Variants in OR5A1 observed in about 807,000 individuals in gnomAD.
OR5A1 encodes olfactory receptor 5A1.
In OR5A1, 6 loss-of-function variants were observed where a neutral mutation model predicts 6.7. That is an observed-to-expected ratio of 0.89 (90% confidence interval 0.49 to 1.76). OR5A1 has a LOEUF of 1.76. Among genes scored for constraint, OR5A1 ranks in the 40% most tolerant of loss-of-function variants. OR5A1 has a pLI of 0.01. For missense variants in OR5A1, 378 were observed against 381.7 expected (o/e 0.99, Z 0.08); for synonymous variants, 170 against 155.0 (o/e 1.10, Z -0.72).
rs547933077 is a variant in OR5A1, at chr11:59,447,657, A to G, written c.*3541A>G. ...CTTCAGGCATTATTGGGTAGTAGAGAACAGCAGGAAGCAGGGAGACAAAAA... is the reference window on the plus strand; with the variant it reads ...CTTCAGGCATTATTGGGTAGTAGAGGACAGCAGGAAGCAGGGAGACAAAAA... On this transcript the variant is annotated 3_prime_UTR_variant, in exon 2 of 2. Coordinates refer to ENST00000641045, the MANE Select transcript of OR5A1 (RefSeq NM_001004728.2). 1 of 152,342 alleles carries G rather than the reference A, an allele frequency of 6.6e-6. No homozygotes were observed. The highest frequency in any genetic ancestry group is 1.5e-5 in the Non-Finnish European group (1 of 68,042). 9.4% of individuals were successfully genotyped at this position (152,342 alleles called of 1,614,324 possible).
In OR5A1 at chr11:59,449,865, A is replaced by G. The variant is rs1047009906; in HGVS notation, c.*5749A>G. On this transcript the variant is annotated 3_prime_UTR_variant, in exon 2 of 2. Transcript: ENST00000641045. ...TGTTCATTCATCTTCAAAAAGAATT[A>G]TTGAATAACTGCTATGTTCCAGGTA... 6.6e-6 allele frequency: 1 copy of G among 152,194 alleles called. No individual in the cohort carries two copies. The highest frequency in any genetic ancestry group is 1.5e-5 in the Non-Finnish European group (1 of 68,020). The allele number at this position is 152,194 out of a possible 1,614,324, so 9.4% of individuals were successfully genotyped here.
rs534057064 is a variant in OR5A1, at chr11:59,445,011, T to A, written c.*895T>A. The A allele has an allele frequency of 1.1e-4, 17 of 152,252 alleles. No homozygotes were observed. The highest frequency in any genetic ancestry group is 2.1e-4 in the South Asian group (1 of 4,818). The allele number at this position is 152,252 out of a possible 1,614,324, so 9.4% of individuals were successfully genotyped here. Reference sequence around the variant, plus strand: ...TTTTTCTTTTAATTTAATTTAATTTTATTTTATTTTAAGTTCCGGGATACA... The same window carrying A: ...TTTTTCTTTTAATTTAATTTAATTTAATTTTATTTTAAGTTCCGGGATACA... On this transcript the variant is annotated 3_prime_UTR_variant, in exon 2 of 2. Transcript: ENST00000641045.
chr11:59,443,639 G>A lies in OR5A1; in HGVS notation c.471G>A (p.Leu157=), dbSNP rs780021579. 5 of 1,614,038 alleles carry A rather than the reference G, an allele frequency of 3.1e-6. No homozygotes were observed. Among genetic ancestry groups the A allele is most frequent in the Non-Finnish European group, 4.2e-6 (5 of 1,180,024 alleles). The change falls in exon 2 of 2, where the codon CTG becomes CTA. Residue 157 remains leucine, a synonymous_variant. Coordinates refer to ENST00000641045, the MANE Select transcript of OR5A1 (RefSeq NM_001004728.2). Reference sequence around the variant, plus strand: ...TTGGGGCATATGTTGGTGGCTTCCTGAGCTCCCTGATCCAGGCCAGCTCCA... The same window carrying A: ...TTGGGGCATATGTTGGTGGCTTCCTAAGCTCCCTGATCCAGGCCAGCTCCA... The part of the protein sequence containing the change: ...MVVGAYVGGF[L]SSLIQASSIF...
Position 59,445,282 on chromosome 11 carries a change from T to G in OR5A1, c.*1166T>G, listed in dbSNP as rs185032188. 1 of 152,160 alleles carries G rather than the reference T, an allele frequency of 6.6e-6. No individual in the cohort carries two copies. Among genetic ancestry groups the G allele is most frequent in the Non-Finnish European group, 1.5e-5 (1 of 68,028 alleles). 9.4% of individuals were successfully genotyped at this position (152,160 alleles called of 1,614,324 possible). On this transcript the variant is annotated 3_prime_UTR_variant, in exon 2 of 2. Transcript: ENST00000641045. ...GATATTTGGTTATCTGTTCTTGGGT[T>G]AGTTTGCTGAGGATAATGGCTTCCA...
intron 1 of OR5A1, among the ~76,000 whole-genome samples, chr11:59,438,247 A>G (rs1345009863): frequency 1.3e-5 from 2 of 152,208 alleles, no homozygotes; most frequent in African/African-American, 4.8e-5. Flanking sequence ...ACACTATTCT[A>G]TATTGTCTTA....
Position 59,441,977 on chromosome 11 carries a change from TAGATA to T in OR5A1, c.-33-1158_-33-1154del, listed in dbSNP as rs1445789991. 2.7e-5 allele frequency among the ~76,000 whole-genome samples: 4 copies of T among 149,646 alleles called. 1 individual carries two copies. The highest frequency in any genetic ancestry group is 5.9e-5 in the Non-Finnish European group (4 of 67,352). On this transcript the variant is annotated intron_variant, in intron 1 of 1. Transcript: ENST00000641045. ...ATAGATAGATAGATAGATAGATAGA[TAGATA>T]GATAGATGATAGATGATAATTAGAC... is the stretch of plus-strand genomic sequence containing the variant.
rs533448094 is a variant in OR5A1 at position 59,445,295 on chromosome 11, A to G, written c.*1179A>G. On this transcript the variant is annotated 3_prime_UTR_variant, in exon 2 of 2. Transcript: ENST00000641045. The stretch of plus-strand genomic sequence containing the variant: ...CTGTTCTTGGGTTAGTTTGCTGAGG[A>G]TAATGGCTTCCAGCTCTATCCATGT... 6.6e-6 allele frequency: 1 copy of G among 152,312 alleles called. No homozygotes were observed. Among genetic ancestry groups the G allele is most frequent in the African/African-American group, 2.4e-5 (1 of 41,564 alleles). 9.4% of individuals were successfully genotyped at this position (152,312 alleles called of 1,614,324 possible).
At chr11:59,443,059 C>T in intron 1 of OR5A1, 77 bp from the exon 2 acceptor site, 1 of 730,412 alleles carries the variant, frequency 1.4e-6, no homozygotes, top group Non-Finnish European at 2.3e-6. Context: ...AACCTGTAAT[C>T]CTCTGCCCTC....
At chr11:59,440,911 G>A (rs1246112527) in intron 1 of OR5A1, among the ~76,000 whole-genome samples, 1 of 152,080 alleles carries the variant, frequency 6.6e-6, no homozygotes, top group African/African-American at 2.4e-5. Flanking sequence ...TAGCTAAAAG[G>A]AGCTTCACAT....
chr11:59,443,518 T>A lies in OR5A1; in HGVS notation c.350T>A (p.Leu117His). ...FVGMGLSECL[L>H]LTAMAYDRYA... Reference sequence around the variant, plus strand: ...GGCATGGGTCTGTCTGAGTGCCTCCTCCTGACTGCTATGGCATACGACCGA... The same window carrying A: ...GGCATGGGTCTGTCTGAGTGCCTCCACCTGACTGCTATGGCATACGACCGA... The change falls in exon 2 of 2, where the codon CTC becomes CAC. Residue 117 changes from leucine (L) to histidine (H), a missense_variant. By Grantham distance (99) the Leu-to-His change is moderately conservative. Transcript: ENST00000641045. The A allele has an allele frequency of 6.2e-7, 1 of 1,614,018 alleles. No homozygotes were observed. The highest frequency in any genetic ancestry group is 8.5e-7 in the Non-Finnish European group (1 of 1,179,984).
At chr11:59,439,056 A>G (rs1472686104) in intron 1 of OR5A1, among the ~76,000 whole-genome samples, 1 of 152,228 alleles carries the variant, frequency 6.6e-6, no homozygotes, top group African/African-American at 2.4e-5. Context: ...GGGAAATCAC[A>G]GAACACCTCC....
chr11:59,443,490 G>T lies in OR5A1; in HGVS notation c.322G>T (p.Val108Phe). Residue 108 changes from valine (V) to phenylalanine (F), a missense_variant, in exon 2 of 2, where the codon GTC (valine) becomes TTC (phenylalanine). Coordinates refer to ENST00000641045, the MANE Select transcript of OR5A1 (RefSeq NM_001004728.2). ...CTGTGCTGCTCAGTTTTTTTTCTTT[G>T]TCGGCATGGGTCTGTCTGAGTGCCT... ...VGCAAQFFFFVGMGLSECLLL... is the reference protein window; with the variant it reads ...VGCAAQFFFFFGMGLSECLLL... 1.9e-6 allele frequency: 3 copies of T among 1,613,458 alleles called. No individual in the cohort carries two copies. The highest frequency in any genetic ancestry group is 2.5e-6 in the Non-Finnish European group (3 of 1,179,834).
rs1384131912 is a variant in OR5A1 at position 59,443,953 on chromosome 11, A to C, written c.785A>C (p.Tyr262Ser). 1.2e-6 allele frequency: 2 copies of C among 1,613,852 alleles called. No individual in the cohort carries two copies. Among genetic ancestry groups the C allele is most frequent in the Non-Finnish European group, 8.5e-7 (1 of 1,179,986 alleles). Residue 262 changes from tyrosine (Y) to serine (S), a missense_variant, in exon 2 of 2, where the codon TAC becomes TCC. Tyr to Ser is a moderately radical substitution (Grantham distance 144). Coordinates refer to ENST00000641045, the MANE Select transcript of OR5A1 (RefSeq NM_001004728.2). ...TLLFGTALFV[Y>S]LRPSSSYLLG... ...CTGTTTGGGACAGCCCTTTTCGTGTACTTGCGACCCAGCTCCAGCTACTTG... is the reference window on the plus strand; with the variant it reads ...CTGTTTGGGACAGCCCTTTTCGTGTCCTTGCGACCCAGCTCCAGCTACTTG...
At chr11:59,438,901 G>A (rs1309097159) in intron 1 of OR5A1, among the ~76,000 whole-genome samples, 1 of 152,132 alleles carries the variant, frequency 6.6e-6, no homozygotes, top group African/African-American at 2.4e-5. Flanking sequence ...ACCTTACATT[G>A]AGAGGAACTC....
At chr11:59,439,999 G>A (rs1323370259) in intron 1 of OR5A1, among the ~76,000 whole-genome samples, 4 of 152,056 alleles carry the variant, frequency 2.6e-5, no homozygotes, top group African/African-American at 7.2e-5. Context: ...TCTATCTCAA[G>A]ACCCACCATG....
chr11:59,439,828 C>T (rs1291594004), intron 1 of OR5A1, among the ~76,000 whole-genome samples: 2 of 152,186 alleles, frequency 1.3e-5, no homozygotes, highest in African/African-American at 4.8e-5. Flanking sequence ...TACAAATCTG[C>T]ATGGTCCATT....
At position 59,450,406 on chromosome 11, in the gene OR5A1, C is replaced by T. The variant is rs1217913392; in HGVS notation, c.*6290C>T. 2 of 152,098 alleles carry T rather than the reference C, an allele frequency of 1.3e-5. No homozygotes were observed. Among genetic ancestry groups the T allele is most frequent in the African/African-American group, 2.4e-5 (1 of 41,408 alleles). 9.4% of individuals were successfully genotyped at this position (152,098 alleles called of 1,614,324 possible). A position where few individuals can be genotyped will look rare whatever the true frequency, so the allele number is the denominator to read the frequency against. ...GCCTCCAGCCAATGCCTCATGGAGCCATAACACACCAAAAGAAAAATTAGA... is the reference window on the plus strand; with the variant it reads ...GCCTCCAGCCAATGCCTCATGGAGCTATAACACACCAAAAGAAAAATTAGA... On this transcript the variant is annotated 3_prime_UTR_variant, in exon 2 of 2. Coordinates refer to ENST00000641045, the MANE Select transcript of OR5A1 (RefSeq NM_001004728.2).
Position 59,444,221 on chromosome 11 carries a change from T to A in OR5A1, c.*105T>A. ...AAGGGAGATATTTGGTGCTCTCATT[T>A]GTGGAGACTCTTCCCTCCAGATTCC... On this transcript the variant is annotated 3_prime_UTR_variant, in exon 2 of 2. Coordinates refer to ENST00000641045, the MANE Select transcript of OR5A1 (RefSeq NM_001004728.2). 2.7e-6 allele frequency: 2 copies of A among 740,202 alleles called. No individual in the cohort carries two copies. The highest frequency in any genetic ancestry group is 4.5e-6 in the Non-Finnish European group (2 of 448,248). 45.9% of individuals were successfully genotyped at this position (740,202 alleles called of 1,614,324 possible).
Position 59,443,131 on chromosome 11 carries a change from C to A in OR5A1, c.-33-5C>A. 1 of 1,512,280 alleles carries A rather than the reference C, an allele frequency of 6.6e-7. No homozygotes were observed. 93.7% of individuals were successfully genotyped at this position (1,512,280 alleles called of 1,614,324 possible). A position where few individuals can be genotyped will look rare whatever the true frequency, so the allele number is the denominator to read the frequency against. Reference sequence around the variant, plus strand: ...CTATAATGTGGACTGTCATTACTATCCCAGGTCTGCATCTTGTCCTTGTGG... The same window carrying A: ...CTATAATGTGGACTGTCATTACTATACCAGGTCTGCATCTTGTCCTTGTGG... On this transcript the variant is annotated splice_polypyrimidine_tract_variant and splice_region_variant and intron_variant, in intron 1 of 1. Transcript: ENST00000641045.
Sources: gnomAD v4.1 joint callset for allele counts (sites outside exome capture counted in the v4.1 genomes callset) on GRCh38, gnomAD v4.1.1 for gene constraint, MANE v1.5 for transcripts, NCBI Gene and HGNC (gene_info 2026-07-23, HGNC 2026-07-21) for gene names.